The following ATP2B3 variants were observed in gnomAD, a reference collection of about 807,000 sequenced individuals.
ATP2B3 encodes the protein plasma membrane calcium-transporting ATPase 3.
In ATP2B3, 12 loss-of-function variants were observed where a neutral mutation model predicts 70.8. That is an observed-to-expected ratio of 0.17 (90% confidence interval 0.11 to 0.27). ATP2B3 has a LOEUF of 0.27. Ranked by LOEUF, ATP2B3 falls within the 10% of genes least tolerant of loss-of-function variation. The pLI is 1.00. For missense variants in ATP2B3, 858 were observed against 1,118.5 expected (o/e 0.77, Z 3.32); for synonymous variants, 460 against 497.8 (o/e 0.92, Z 1.01).
At chrX:153,547,721 C>A in intron 8 of ATP2B3, 114 bp from the exon 9 acceptor site, 1 of 920,573 alleles carries the variant, frequency 1.1e-6, no homozygotes, top group Non-Finnish European at 1.4e-6. Flanking sequence ...GAGAGCTCCA[C>A]TGAATCCCGT....
At position 153,543,274 on chromosome X, in the gene ATP2B3, C is replaced by T. The variant is rs1277321097; in HGVS notation, c.916+106C>T. On this transcript the variant is annotated intron_variant, in intron 7 of 21. Transcript: ENST00000263519. The stretch of plus-strand genomic sequence containing the variant: ...CACTGGGGGCTCAGGGAGAGCCAGC[C>T]CAAGTGGGTGGGAGGCCGGGCCCTC... The T allele has an allele frequency of 2.9e-6, 3 of 1,031,588 alleles. No homozygotes were observed. In the Admixed American group the frequency reaches 1.1e-4, roughly 37 times the overall value. 85.0% of individuals were successfully genotyped at this position (1,031,588 alleles called of 1,213,427 possible).
In ATP2B3 at chrX:153,553,213, G is replaced by T; in HGVS notation, c.2002G>T (p.Val668Leu). Residue 668 changes from valine to leucine, a missense_variant, in exon 13 of 22, where the codon GTG becomes TTG. Physicochemically the swap from Val to Leu is conservative, Grantham distance 32. Around this residue, in one of 5 missense-constraint regions of ATP2B3, gnomAD observed 242 missense variants for 281.3 expected, o/e 0.86. Coordinates refer to ENST00000263519, the MANE Select transcript of ATP2B3 (RefSeq NM_001001344.3). Reference sequence around the variant, plus strand: ...CGACTGGGACAACGAGAATGAGGTCGTGGGTGACCTCACCTGCATAGCTGT... The same window carrying T: ...CGACTGGGACAACGAGAATGAGGTCTTGGGTGACCTCACCTGCATAGCTGT... ...EPDWDNENEV[V>L]GDLTCIAVVG... 1 of 1,211,341 alleles carries T rather than the reference G, an allele frequency of 8.3e-7. No homozygotes were observed. The highest frequency in any genetic ancestry group is 1.1e-6 in the Non-Finnish European group (1 of 895,223).
At position 153,564,974 on chromosome X, in the gene ATP2B3, C is replaced by T. The variant is rs782623680; in HGVS notation, c.3213C>T (p.His1071=). The part of the protein sequence containing the change: ...SQLKCLKEAG[H]GPGKDEMTDE... ...TCAAGTGCCTGAAGGAAGCCGGGCACGGGCCCGGGAAGGACGAGATGACCG... is the reference window on the plus strand; with the variant it reads ...TCAAGTGCCTGAAGGAAGCCGGGCATGGGCCCGGGAAGGACGAGATGACCG... The change falls in exon 21 of 22, where the codon CAC becomes CAT. Residue 1071 remains histidine, a synonymous_variant. Transcript: ENST00000263519. The T allele has an allele frequency of 3.3e-6, 4 of 1,198,812 alleles. No homozygotes were observed. Among genetic ancestry groups the T allele is most frequent in the Admixed American group, 2.2e-5 (1 of 44,678 alleles).
chrX:153,568,807 C>T (rs2090747599), intron 21 of ATP2B3, among the ~76,000 whole-genome samples: 1 of 112,837 alleles, frequency 8.9e-6, no homozygotes, highest in Admixed American at 9.3e-5. Flanking sequence ...CTGGTGGCCA[C>T]CACATAGCAC....
chrX:153,544,630 C>T lies in ATP2B3; in HGVS notation c.917-1458C>T, dbSNP rs571744930. Among the ~76,000 whole-genome samples the T allele has an allele frequency of 3.6e-5, 4 of 111,834 alleles. No homozygotes were observed. The South Asian group carries it at 1.5e-3, about 41-fold the overall frequency. On this transcript the variant is annotated intron_variant, in intron 7 of 21. Transcript: ENST00000263519. ...CAGGGGGCTCCCTGCTCGCCCTCCCCGTCTCTCCCGCCCCATCCCCATTGT... is the reference window on the plus strand; with the variant it reads ...CAGGGGGCTCCCTGCTCGCCCTCCCTGTCTCTCCCGCCCCATCCCCATTGT...
rs1470184209 is a variant in ATP2B3, at chrX:153,541,670, C to T, written c.408C>T (p.Ala136=). Reference sequence around the variant, plus strand: ...GCTTCCCTTCTGTCCTCCGCACAGCCTGTGGGAATGTGTCGGGAGGCGCAG... The same window carrying T: ...GCTTCCCTTCTGTCCTCCGCACAGCTTGTGGGAATGTGTCGGGAGGCGCAG... ...FYAPPGEESE[A]CGNVSGGAED... is the part of the protein sequence containing the mutation. The change falls in exon 5 of 22, where the codon GCC becomes GCT. Residue 136 remains alanine (A), a splice_region_variant and synonymous_variant. Coordinates refer to ENST00000263519, the MANE Select transcript of ATP2B3 (RefSeq NM_001001344.3). The T allele has an allele frequency of 8.3e-7, 1 of 1,210,939 alleles. No homozygotes were observed. Among genetic ancestry groups the T allele is most frequent in the Non-Finnish European group, 1.1e-6 (1 of 895,101 alleles).
In ATP2B3 at chrX:153,544,814, G is replaced by A. The variant is rs149515372; in HGVS notation, c.917-1274G>A. Among the ~76,000 whole-genome samples, 65 of 112,408 alleles carry A rather than the reference G, an allele frequency of 5.8e-4. No homozygotes were observed. The East Asian group carries it at 0.013, about 23-fold the overall frequency. ...CTCCTGTCTCTTCTGGCGGGGCCCA[G>A]CCCTCCTCTTCCAGCAATGCTCATC... On this transcript the variant is annotated intron_variant, in intron 7 of 21. Transcript: ENST00000263519.
chrX:153,556,099 G>A lies in ATP2B3; in HGVS notation c.2109G>A (p.Met703Ile). ...AGCGTGCTGGCATCACAGTCCGCAT[G>A]GTGACTGGGGACAACATCAACACGG... Reference protein sequence around the residue: ...KCQRAGITVRMVTGDNINTAR... With the variant: ...KCQRAGITVRIVTGDNINTAR... Residue 703 changes from methionine (M) to isoleucine (I), a missense_variant, in exon 14 of 22, where the codon ATG becomes ATA. Around this residue, in one of 5 missense-constraint regions of ATP2B3, gnomAD observed 242 missense variants for 281.3 expected, o/e 0.86. Transcript: ENST00000263519. The A allele has an allele frequency of 8.2e-7, 1 of 1,212,551 alleles. No individual in the cohort carries two copies. Among genetic ancestry groups the A allele is most frequent in the Non-Finnish European group, 1.1e-6 (1 of 895,685 alleles).
intron 12 of ATP2B3, among the ~76,000 whole-genome samples, chrX:153,550,904 C>A (rs968706109): frequency 3.6e-4 from 40 of 111,932 alleles, no homozygotes; most frequent in Non-Finnish European, 9.4e-5. Flanking sequence ...CCCGAACTTC[C>A]ATTCTTTCTA....
rs1364571361 is a variant in ATP2B3, at chrX:153,582,703, G to A, written c.*2405G>A. On this transcript the variant is annotated 3_prime_UTR_variant, in exon 22 of 22. Transcript: ENST00000263519. ...GCTGGGGGCCCTGTCTCATTGGGAA[G>A]CCCCTCTTTATAAAGCATTATATTA... The A allele has an allele frequency of 8.9e-6, 1 of 112,531 alleles. No individual in the cohort carries two copies. The highest frequency in any genetic ancestry group is 1.9e-5 in the Non-Finnish European group (1 of 53,256). The allele number at this position is 112,531 out of a possible 1,213,427, so 9.3% of individuals were successfully genotyped here.
chrX:153,532,975 G>C (rs2090139086), intron 2 of ATP2B3: 1 of 111,953 alleles, frequency 8.9e-6, no homozygotes, highest in African/African-American at 3.2e-5. Flanking sequence ...CTAACTGATG[G>C]ATCCTGTCTG....
chrX:153,571,160 G>A (rs896567201), intron 21 of ATP2B3, among the ~76,000 whole-genome samples: 6 of 112,155 alleles, frequency 5.3e-5, no homozygotes, highest in Admixed American at 3.7e-4. Context: ...AGCAGTCGGC[G>A]CCTCCAGTGC....
At chrX:153,562,777 C>T (rs782308797) in intron 20 of ATP2B3, among the ~76,000 whole-genome samples, 37 of 112,243 alleles carry the variant, frequency 3.3e-4, no homozygotes, top group Non-Finnish European at 6.8e-4. Context: ...TCATCAGCTC[C>T]GACTGCCATA....
intron 6 of ATP2B3, among the ~76,000 whole-genome samples, chrX:153,542,688 G>A (rs1299426972): frequency 8.8e-6 from 1 of 113,389 alleles, no homozygotes; most frequent in Non-Finnish European, 1.9e-5. Context: ...TCCTGAATGG[G>A]AAGCCCCAAG....
At chrX:153,525,483 A>T (rs1415071162) in intron 2 of ATP2B3, among the ~76,000 whole-genome samples, 1 of 111,861 alleles carries the variant, frequency 8.9e-6, no homozygotes, top group Non-Finnish European at 1.9e-5. Context: ...CGGGCAGAGC[A>T]AGGGCTCACC....
chrX:153,565,272 G>T (rs782165678), intron 21 of ATP2B3, among the ~76,000 whole-genome samples, 169 bp downstream of exon 21: 2 of 113,542 alleles, frequency 1.8e-5, no homozygotes, highest in Non-Finnish European at 3.7e-5. Context: ...TTGCCATTCC[G>T]GGCTGTGCCC....
At chrX:153,554,271 G>A (rs782570813) in intron 13 of ATP2B3, among the ~76,000 whole-genome samples, 1 of 113,188 alleles carries the variant, frequency 8.8e-6, no homozygotes, top group Non-Finnish European at 1.9e-5. Context: ...GGCGGGCAGC[G>A]GCATGAGTCC....
At chrX:153,549,026 T>A (rs1452973004) in intron 10 of ATP2B3, among the ~76,000 whole-genome samples, 172 bp downstream of exon 10, 1 of 109,207 alleles carries the variant, frequency 9.2e-6, no homozygotes, top group African/African-American at 3.4e-5. Flanking sequence ...TCAGCTCAGG[T>A]CCCTCGGCAT....
intron 9 of ATP2B3, 45 bp from the exon 10 acceptor site, chrX:153,548,595 C>T: frequency 8.8e-7 from 1 of 1,132,866 alleles, no homozygotes; most frequent in Non-Finnish European, 1.2e-6. Context: ...CCCTCCTTCC[C>T]TCACCCGTGG....
Sources: gnomAD v4.1 joint callset for allele counts (sites outside exome capture counted in the v4.1 genomes callset) on GRCh38, gnomAD v4.1.1 for gene constraint, gnomAD v4.1.1 regional missense constraint, MANE v1.5 for transcripts, NCBI Gene and HGNC (gene_info 2026-07-23, HGNC 2026-07-21) for gene names.